Variants in C2 observed in about 807,000 individuals in gnomAD.
C2 encodes the protein complement C2, also known as C3/C5 convertase.
Under a neutral mutation model 85.2 loss-of-function variants are expected in C2, and 64 were observed. The observed-to-expected ratio is 0.75, with a 90% CI of 0.61 to 0.92. C2 has a LOEUF of 0.92. Among genes scored for constraint, C2 ranks in the 40% least tolerant of loss-of-function variants. The pLI, the probability that C2 is intolerant of heterozygous loss-of-function variation, is 0.00. For missense variants in C2, 820 were observed against 971.6 expected, an observed-to-expected ratio of 0.84 and a Z score of 2.07; for synonymous variants, 311 against 370.8, an observed-to-expected ratio of 0.84 and a Z score of 1.85.
upstream of C2, chr6:31,900,898 A>G (rs775487631): frequency 6.2e-7 from 1 of 1,613,956 alleles, no homozygotes; most frequent in East Asian, 2.2e-5. This position sits in a 1 kb window ranked among gnomAD's most constrained non-coding sequence, Gnocchi z 9.7. Context: ...CACTGACCCC[A>G]TCCTCTTTGA....
intron 7 of C2, chr6:31,937,034 C>T: frequency 4.9e-6 from 2 of 408,732 alleles, no homozygotes; most frequent in Non-Finnish European, 9.1e-6. Flanking sequence ...ATGGTGAAAC[C>T]CCATCTCTAC....
At chr6:31,938,243 G>A (rs571206357) in intron 8 of C2, among the ~76,000 whole-genome samples, 1 of 152,064 alleles carries the variant, frequency 6.6e-6, no homozygotes, top group Admixed American at 6.6e-5. Flanking sequence ...GGGCACGGAT[G>A]CAAGGAACAG....
At chr6:31,914,230 T>C (rs1768327276) in intron 1 of C2, among the ~76,000 whole-genome samples, 1 of 151,736 alleles carries the variant, frequency 6.6e-6, no homozygotes, top group Non-Finnish European at 1.5e-5. Flanking sequence ...CTCTTGATAT[T>C]GTGGCCTAAA....
chr6:31,900,917 T>G, upstream of C2: 4 of 1,614,068 alleles, frequency 2.5e-6, no homozygotes, highest in Non-Finnish European at 2.5e-6. The surrounding 1 kb of genome is among the most constrained non-coding windows in gnomAD (Gnocchi z 9.7). Flanking sequence ...GAGGCCTATT[T>G]TGGGCTCAAT....
At chr6:31,899,726 C>A, upstream of C2, 1 of 601,506 alleles carries the variant, frequency 1.7e-6, no homozygotes, top group Non-Finnish European at 2.8e-6. Context: ...GAACCCTTTT[C>A]CCAGCTCCAG....
intron 1 of C2, among the ~76,000 whole-genome samples, chr6:31,909,901 G>A (rs1767975276): frequency 1.3e-5 from 2 of 150,582 alleles, no homozygotes; most frequent in Non-Finnish European, 3.0e-5. Context: ...TTTTTTTTGA[G>A]ACAGCGTCTC....
At chr6:31,942,796 G>A (rs902730413) in intron 9 of C2, 163 bp from the exon 10 acceptor site, 70 of 758,334 alleles carry the variant, frequency 9.2e-5, no homozygotes, top group Non-Finnish European at 1.5e-4. Context: ...TGAAGGGCAG[G>A]GAGTGGCAGG....
intron 1 of C2, among the ~76,000 whole-genome samples, chr6:31,905,193 G>A (rs1023047284): frequency 2.0e-5 from 3 of 151,984 alleles, no homozygotes; most frequent in Non-Finnish European, 4.4e-5. Flanking sequence ...CAGCACTTTG[G>A]GAGGCCGAGG....
At chr6:31,932,146 G>A (rs1447156895) in intron 3 of C2, among the ~76,000 whole-genome samples, 1 of 120,574 alleles carries the variant, frequency 8.3e-6, no homozygotes, top group African/African-American at 3.5e-5. Context: ...TCCCGGACGG[G>A]GCGGCTGGCC....
At chr6:31,911,380 T>G (rs921521390) in intron 1 of C2, among the ~76,000 whole-genome samples, 11 of 152,158 alleles carry the variant, frequency 7.2e-5, no homozygotes, top group Non-Finnish European at 1.5e-4. Context: ...ATAAGACTTT[T>G]AAAAAAAGAT....
upstream of C2, among the ~76,000 whole-genome samples, chr6:31,917,167 T>C (rs1269127213): frequency 1.4e-5 from 2 of 143,012 alleles, no homozygotes; most frequent in African/African-American, 2.6e-5. Flanking sequence ...TGAGACTCTG[T>C]CTCAGAAAAA....
intron 1 of C2, among the ~76,000 whole-genome samples, chr6:31,905,450 T>C (rs9279450): frequency 0.15 from 22,860 of 149,216 alleles, 2,956 homozygotes; most frequent in African/African-American, 0.35. Context: ...AAAAAAAAAA[T>C]TAGGATTCTT....
At chr6:31,918,069 G>GT (rs769675427), upstream of C2, among the ~76,000 whole-genome samples, 4 of 152,056 alleles carry the variant, frequency 2.6e-5, no homozygotes, top group Non-Finnish European at 4.4e-5. Context: ...CTTGAGGCTA[G>GT]TTCAAGACCA....
intron 3 of C2, among the ~76,000 whole-genome samples, chr6:31,932,788 G>T (rs1034561372): frequency 1.3e-5 from 2 of 152,238 alleles, no homozygotes; most frequent in African/African-American, 4.8e-5. Flanking sequence ...AGGTTGTAGC[G>T]AGCCAAGATC....
At chr6:31,940,909 A>G (rs1770824957) in intron 9 of C2, among the ~76,000 whole-genome samples, 1 of 152,086 alleles carries the variant, frequency 6.6e-6, no homozygotes, top group Admixed American at 6.5e-5. Flanking sequence ...TTTACACACA[A>G]CGCGGGGCTC....
At chr6:31,899,693 C>A, upstream of C2, 1 of 525,002 alleles carries the variant, frequency 1.9e-6, no homozygotes. Flanking sequence ...TTCTCTGGGA[C>A]CCCGTATTCC....
At chr6:31,905,791 C>T (rs1410683369) in intron 1 of C2, among the ~76,000 whole-genome samples, 1 of 151,922 alleles carries the variant, frequency 6.6e-6, no homozygotes, top group Non-Finnish European at 1.5e-5. Context: ...ATTTTCCAGT[C>T]CTATGAGTCC....
In C2 at chr6:31,935,022, AAATAAAAT is replaced by A. The variant is rs1302574401; in HGVS notation, c.849+726_849+733del. The stretch of plus-strand genomic sequence containing the variant: ...AAACTCTGTCTCAAAAAAATAAATA[AAATAAAAT>A]AAAATAAAATAAAATATGTGTGATA... On this transcript the variant is annotated intron_variant, in intron 6 of 17. Transcript: ENST00000299367. The surrounding 1 kb of genome is among the most constrained non-coding windows in gnomAD (Gnocchi z 4.3). The A allele has an allele frequency of 2.6e-6, 2 of 778,038 alleles. No homozygotes were observed. The highest frequency in any genetic ancestry group is 3.0e-6 in the Non-Finnish European group (2 of 658,534). 48.2% of individuals were successfully genotyped at this position (778,038 alleles called of 1,614,324 possible).
At chr6:31,937,571 T>C in intron 8 of C2, 112 bp downstream of exon 8, 1 of 1,393,122 alleles carries the variant, frequency 7.2e-7, no homozygotes, top group Non-Finnish European at 1.0e-6. Flanking sequence ...GCCCCAGTTT[T>C]GTTTTTGTTT....
Sources: gnomAD v4.1 joint callset for allele counts (sites outside exome capture counted in the v4.1 genomes callset) on GRCh38, gnomAD v4.1.1 for gene constraint, Gnocchi (gnomAD v3.1) non-coding constraint, MANE v1.5 for transcripts, NCBI Gene and HGNC (gene_info 2026-07-23, HGNC 2026-07-21) for gene names.